TESPA1: variants seen among roughly 807,000 people sequenced by gnomAD.
TESPA1 encodes protein TESPA1.
A neutral mutation model predicts 57.9 loss-of-function variants in TESPA1; 33 were observed. The ratio of observed to expected loss-of-function variants is 0.57; its 90% CI spans 0.43 to 0.76. The LOEUF (loss-of-function observed/expected upper bound fraction) is 0.76. Among genes scored for constraint, TESPA1 ranks in the 30% least tolerant of loss-of-function variants. TESPA1 has a pLI of 0.00. For missense variants in TESPA1, 618 were observed against 632.9 expected (o/e 0.98, Z 0.25); for synonymous variants, 227 against 228.9 (o/e 0.99, Z 0.07).
chr12:54,980,759 T>A (rs749011955), intron 1 of TESPA1, among the ~76,000 whole-genome samples: 1 of 152,210 alleles, frequency 6.6e-6, no homozygotes, highest in Non-Finnish European at 1.5e-5. Flanking sequence ...TGGGGCAATT[T>A]TCAAGGGGCT....
chr12:54,963,065 G>A lies in TESPA1; in HGVS notation c.833C>T (p.Ser278Leu), dbSNP rs773172848. ...RILSREPEPQ[S>L]PRDRLRKAIS... ...GGCTTTCCGAAGGCGGTCTCTGGGT[G>A]ACTGGGGTTCAGGCTCTCGGGACAG... Residue 278 changes from serine to leucine, a missense_variant, in exon 9 of 11, where the codon TCA becomes TTA. Physicochemically the swap from Ser to Leu is moderately radical, Grantham distance 145. Coordinates refer to ENST00000449076, the MANE Select transcript of TESPA1 (RefSeq NM_001136030.3). 1.2e-6 allele frequency: 2 copies of A among 1,613,970 alleles called. No homozygotes were observed. The highest frequency in any genetic ancestry group is 1.7e-6 in the Non-Finnish European group (2 of 1,179,876).
intron 2 of TESPA1, chr12:54,973,947 C>T (rs1420010321): frequency 4.0e-6 from 4 of 1,010,380 alleles, no homozygotes; most frequent in Non-Finnish European, 4.8e-6. Flanking sequence ...CTCAAAGAAG[C>T]TCTGAGAAGT....
chr12:54,955,895 T>A (rs1423818574), intron 10 of TESPA1, among the ~76,000 whole-genome samples: 1 of 152,194 alleles, frequency 6.6e-6, no homozygotes, highest in Non-Finnish European at 1.5e-5. Flanking sequence ...TCCCTCCCCC[T>A]TGTCTAATCT....
chr12:54,981,342 T>C (rs1952314202), intron 1 of TESPA1, among the ~76,000 whole-genome samples: 1 of 147,518 alleles, frequency 6.8e-6, no homozygotes, highest in Admixed American at 7.0e-5. Context: ...ATCAAGATGG[T>C]GAAAAAGATT....
rs1390389241 is a variant in TESPA1 at position 54,948,192 on chromosome 12, A to C, written c.*2200T>G. 1 of 153,040 alleles carries C rather than the reference A, an allele frequency of 6.5e-6. No homozygotes were observed. The highest frequency in any genetic ancestry group is 1.5e-5 in the Non-Finnish European group (1 of 68,668). The allele number at this position is 153,040 out of a possible 1,614,324, so 9.5% of individuals were successfully genotyped here. ...CAGGGGTGGGGGTCACAAGGTGCTC[A>C]GTGGGGGAGCTTCTGAGCCAGAAGA... On this transcript the variant is annotated 3_prime_UTR_variant, in exon 11 of 11. Coordinates refer to ENST00000449076, the MANE Select transcript of TESPA1 (RefSeq NM_001136030.3).
At chr12:54,970,617 T>G (rs907510223) in intron 3 of TESPA1, among the ~76,000 whole-genome samples, 5 of 152,176 alleles carry the variant, frequency 3.3e-5, no homozygotes, top group African/African-American at 1.2e-4. Context: ...TGTCCATCAC[T>G]CAAGTCCCAG....
rs1413421353 is a variant in TESPA1, at chr12:54,948,979, A to G, written c.*1413T>C. 6.6e-6 allele frequency: 1 copy of G among 152,154 alleles called. No individual in the cohort carries two copies. Among genetic ancestry groups the G allele is most frequent in the Non-Finnish European group, 1.5e-5 (1 of 68,032 alleles). The allele number at this position is 152,154 out of a possible 1,614,324, so 9.4% of individuals were successfully genotyped here. ...CCTCTTCCCAGTTTTACAACTCAGG[A>G]ATATCTTTCTCTAGGACCTGAGAAC... is the stretch of plus-strand genomic sequence containing the variant. On this transcript the variant is annotated 3_prime_UTR_variant, in exon 11 of 11. Transcript: ENST00000449076.
intron 10 of TESPA1, among the ~76,000 whole-genome samples, chr12:54,957,308 T>C (rs1284772897): frequency 6.6e-6 from 1 of 152,174 alleles, no homozygotes; most frequent in Non-Finnish European, 1.5e-5. Flanking sequence ...CAAGTAGTAG[T>C]TAATACCTGG....
At position 54,963,788 on chromosome 12, in the gene TESPA1, G is replaced by C; in HGVS notation, c.609C>G (p.Ser203=). Residue 203 remains serine (S), a synonymous_variant, in exon 8 of 11, where the codon TCC becomes TCG. Coordinates refer to ENST00000449076, the MANE Select transcript of TESPA1 (RefSeq NM_001136030.3). ...CTTCCATTTCAATCCTCCGCACCTGGGACTTCAGGAAGAGCTGGAAATCAA... is the reference window on the plus strand; with the variant it reads ...CTTCCATTTCAATCCTCCGCACCTGCGACTTCAGGAAGAGCTGGAAATCAA... ...KGIDFQLFLK[S]QVRRIEMEDP... 1 of 1,613,884 alleles carries C rather than the reference G, an allele frequency of 6.2e-7. No homozygotes were observed. The highest frequency in any genetic ancestry group is 8.5e-7 in the Non-Finnish European group (1 of 1,179,876).
chr12:54,959,854 A>C (rs1306033898), intron 10 of TESPA1, among the ~76,000 whole-genome samples: 1 of 152,212 alleles, frequency 6.6e-6, no homozygotes, highest in Non-Finnish European at 1.5e-5. Flanking sequence ...CTTGAAGTGC[A>C]TATGACATAT....
Position 54,966,437 on chromosome 12 carries a change from CAG to C in TESPA1, c.311-15_311-14del. 6.2e-7 allele frequency: 1 copy of C among 1,612,086 alleles called. No homozygotes were observed. Among genetic ancestry groups the C allele is most frequent in the South Asian group, 1.1e-5 (1 of 90,800 alleles). ...GCCAGTAGTGTGGCTGGACAAGAAA[CAG>C]AGAAGCAAAGAGCAAATTAGAAGGG... On this transcript the variant is annotated splice_polypyrimidine_tract_variant and intron_variant, in intron 5 of 10. Transcript: ENST00000449076.
At position 54,974,343 on chromosome 12, in the gene TESPA1, T is replaced by C. The variant is rs181011444; in HGVS notation, c.163+57A>G. 3.4e-6 allele frequency: 5 copies of C among 1,484,674 alleles called. No homozygotes were observed. The Admixed American group carries it at 1.1e-4, about 32-fold the overall frequency. The allele number at this position is 1,484,674 out of a possible 1,614,324, so 92.0% of individuals were successfully genotyped here. ...TGTTCACACTCTGCAGACCTGGGCC[T>C]GCTGTCACCTTTTGCCGCCAGACAA... On this transcript the variant is annotated intron_variant, in intron 2 of 10. Transcript: ENST00000449076.
intron 5 of TESPA1, 89 bp from the exon 6 acceptor site, chr12:54,966,513 C>G: frequency 1.4e-6 from 2 of 1,478,894 alleles, no homozygotes; most frequent in Non-Finnish European, 1.8e-6. Flanking sequence ...ACTCAGTCCC[C>G]TCTGTTTCTT....
chr12:54,961,391 G>T (rs1186647634), intron 9 of TESPA1, 124 bp from the exon 10 acceptor site: 1 of 997,096 alleles, frequency 1.0e-6, no homozygotes, highest in Non-Finnish European at 1.5e-6. Context: ...CCTCTTCTGT[G>T]GTGTCAGGGA....
At position 54,962,652 on chromosome 12, in the gene TESPA1, G is replaced by T; in HGVS notation, c.1246C>A (p.Leu416Ile). 1 of 1,613,940 alleles carries T rather than the reference G, an allele frequency of 6.2e-7. No individual in the cohort carries two copies. Among genetic ancestry groups the T allele is most frequent in the Non-Finnish European group, 8.5e-7 (1 of 1,179,888 alleles). ...PAQIRRELCSLPATNTETHPA... is the reference protein window; with the variant it reads ...PAQIRRELCSIPATNTETHPA... ...TGGGTTTCCGTATTGGTGGCTGGTAGACTACACAGCTCTCTCCTTATCTGA... is the reference window on the plus strand; with the variant it reads ...TGGGTTTCCGTATTGGTGGCTGGTATACTACACAGCTCTCTCCTTATCTGA... Residue 416 changes from leucine (L) to isoleucine (I), a missense_variant, in exon 9 of 11, where the codon CTA becomes ATA. By Grantham distance (5) the Leu-to-Ile change is conservative. Transcript: ENST00000449076.
At chr12:54,979,716 AC>A (rs1387465677) in intron 1 of TESPA1, among the ~76,000 whole-genome samples, 2 of 152,206 alleles carry the variant, frequency 1.3e-5, no homozygotes, top group Admixed American at 1.3e-4. Flanking sequence ...GTATCTTCCA[AC>A]AAAAATTATT....
In TESPA1 at chr12:54,948,823, C is replaced by T. The variant is rs1346290445; in HGVS notation, c.*1569G>A. 1 of 152,160 alleles carries T rather than the reference C, an allele frequency of 6.6e-6. No homozygotes were observed. The highest frequency in any genetic ancestry group is 6.5e-5 in the Admixed American group (1 of 15,272). 9.4% of individuals were successfully genotyped at this position (152,160 alleles called of 1,614,324 possible). On this transcript the variant is annotated 3_prime_UTR_variant, in exon 11 of 11. Coordinates refer to ENST00000449076, the MANE Select transcript of TESPA1 (RefSeq NM_001136030.3). ...TTCTGTTCTCTTGTGACAAGATAGC[C>T]TTAACTTTCCCCTCAGCTTGACCAA...
In TESPA1 at chr12:54,950,247, T is replaced by C. The variant is rs1408844002; in HGVS notation, c.*145A>G. The stretch of plus-strand genomic sequence containing the variant: ...CTCCCCATGTACCATGCTGCCTTTC[T>C]CCTGCAGAGTTTGGGGGTTTGGAGG... On this transcript the variant is annotated 3_prime_UTR_variant, in exon 11 of 11. Coordinates refer to ENST00000449076, the MANE Select transcript of TESPA1 (RefSeq NM_001136030.3). 3.9e-5 allele frequency: 18 copies of C among 456,500 alleles called. No individual in the cohort carries two copies. Among genetic ancestry groups the C allele is most frequent in the Non-Finnish European group, 7.5e-5 (17 of 226,980 alleles). The allele number at this position is 456,500 out of a possible 1,614,324, so 28.3% of individuals were successfully genotyped here. A position where few individuals can be genotyped will look rare whatever the true frequency, so the allele number is the denominator to read the frequency against.
intron 2 of TESPA1, 129 bp from the exon 3 acceptor site, chr12:54,973,648 T>G (rs1951985284): frequency 2.6e-6 from 4 of 1,527,770 alleles, no homozygotes; most frequent in Non-Finnish European, 3.5e-6. Flanking sequence ...TACATAAAGC[T>G]TTTCTTTAAG....
Sources: allele counts gnomAD v4.1 joint callset (sites outside exome capture counted in the v4.1 genomes callset), GRCh38; gene constraint gnomAD v4.1.1; transcripts MANE v1.5; gene names NCBI Gene and HGNC (gene_info 2026-07-23, HGNC 2026-07-21).